CMC2: variants seen among roughly 807,000 people sequenced by gnomAD.
The protein encoded by CMC2 is COX assembly mitochondrial protein 2 homolog.
CMC2 carries 5 observed loss-of-function variants against 7.5 expected under a neutral mutation model. The observed-to-expected ratio is 0.66, with a 90% CI of 0.35 to 1.40. The LOEUF is 1.40. Among genes scored for constraint, CMC2 ranks in the 40% most tolerant of loss-of-function variants. CMC2 has a pLI of 0.04. For synonymous variants in CMC2, 37 were observed against 31.4 expected (o/e 1.18, Z -0.60); for missense variants, 115 against 92.3 (o/e 1.25, Z -1.01).
At chr16:80,990,099 TC>T (rs1253093796) in intron 2 of CMC2, among the ~76,000 whole-genome samples, 1 of 82,934 alleles carries the variant, frequency 1.2e-5, no homozygotes, top group African/African-American at 3.0e-5. Context: ...TTTTTTTCAT[TC>T]CCTCCCCTTT....
At chr16:80,994,284 C>T (rs1347208685) in intron 2 of CMC2, among the ~76,000 whole-genome samples, 1 of 151,288 alleles carries the variant, frequency 6.6e-6, no homozygotes, top group Non-Finnish European at 1.5e-5. Context: ...AAAGCTAATA[C>T]GATAGAACTA....
rs985930487 is a variant in CMC2 at position 80,969,455 on chromosome 16, G to C, written c.*6638C>G. The C allele has an allele frequency of 2.0e-5, 3 of 152,216 alleles. No homozygotes were observed. The highest frequency in any genetic ancestry group is 1.5e-5 in the Non-Finnish European group (1 of 68,064). 9.4% of individuals were successfully genotyped at this position (152,216 alleles called of 1,614,324 possible). A position where few individuals can be genotyped will look rare whatever the true frequency, so the allele number is the denominator to read the frequency against. Reference sequence around the variant, plus strand: ...CTTCAGTAAATGGGGCCCACAGGAAGGTCTGAAGGGGCTGGAACAATTTAG... The same window carrying C: ...CTTCAGTAAATGGGGCCCACAGGAACGTCTGAAGGGGCTGGAACAATTTAG... On this transcript the variant is annotated 3_prime_UTR_variant, in exon 4 of 4. Coordinates refer to ENST00000219400, the MANE Select transcript of CMC2 (RefSeq NM_020188.5).
intron 2 of CMC2, among the ~76,000 whole-genome samples, chr16:80,994,394 A>C (rs1048878173): frequency 1.9e-4 from 29 of 150,804 alleles, no homozygotes; most frequent in African/African-American, 6.6e-4. Context: ...ACTTCATCAA[A>C]TGTACAAGCT....
intron 2 of CMC2, among the ~76,000 whole-genome samples, chr16:80,986,459 G>GAA (rs11441364): frequency 9.3e-4 from 136 of 145,598 alleles, no homozygotes; most frequent in Middle Eastern, 3.5e-3. Context: ...CGTCTCAAAA[G>GAA]AAAAAAAAAA....
chr16:81,001,302 G>GT (rs1365274041), intron 1 of CMC2: 1 of 152,194 alleles, frequency 6.6e-6, no homozygotes, highest in Non-Finnish European at 1.5e-5. Flanking sequence ...ATGTACCCAT[G>GT]TAAGAAACCT....
intron 3 of CMC2, chr16:80,978,495 A>C (rs1966869458): frequency 1.6e-6 from 1 of 635,088 alleles, no homozygotes; most frequent in Non-Finnish European, 2.4e-6. Flanking sequence ...ATGAAAGGCC[A>C]ATTAACCCCA....
intron 1 of CMC2, among the ~76,000 whole-genome samples, chr16:81,005,425 A>AATATATAT (rs113325840): frequency 4.0e-5 from 6 of 149,360 alleles, no homozygotes; most frequent in African/African-American, 1.5e-4. Context: ...ATAAAATTTA[A>AATATATAT]ATATATATAT....
chr16:81,005,140 C>G (rs1190981498), intron 1 of CMC2, among the ~76,000 whole-genome samples: 1 of 152,180 alleles, frequency 6.6e-6, no homozygotes, highest in South Asian at 2.1e-4. Context: ...TAAAATATAT[C>G]TTTTTAGGCT....
rs1968512741 is a variant in CMC2, at chr16:80,997,383, G to C, written c.12C>G (p.Asp4Glu). 1 of 1,583,786 alleles carries C rather than the reference G, an allele frequency of 6.3e-7. No individual in the cohort carries two copies. Among genetic ancestry groups the C allele is most frequent in the Non-Finnish European group, 8.6e-7 (1 of 1,160,068 alleles). Residue 4 changes from aspartate (D) to glutamate (E), a missense_variant, in exon 2 of 4, where the codon GAC (aspartate) becomes GAG (glutamate). Physicochemically the swap from Asp to Glu is conservative, Grantham distance 45. Transcript: ENST00000219400. MHP[D>E]LSPHLHTEEC... ...CTTCAGTGTGCAAGTGTGGAGATAA[G>C]TCAGGATGCATCTTTAGGAGATGAG... is the stretch of plus-strand genomic sequence containing the variant.
rs1381930731 is a variant in CMC2 at position 80,971,833 on chromosome 16, T to C, written c.*4260A>G. ...TAGTTTTCTGTAAACCTGAAACATT[T>C]TGTCATAAAAAAGAATAGCATTAAT... is the stretch of plus-strand genomic sequence containing the variant. On this transcript the variant is annotated 3_prime_UTR_variant, in exon 4 of 4. Transcript: ENST00000219400. 1.3e-5 allele frequency: 2 copies of C among 152,212 alleles called. No homozygotes were observed. Among genetic ancestry groups the C allele is most frequent in the East Asian group, 3.9e-4 (2 of 5,186 alleles). 9.4% of individuals were successfully genotyped at this position (152,212 alleles called of 1,614,324 possible). A position where few individuals can be genotyped will look rare whatever the true frequency, so the allele number is the denominator to read the frequency against.
chr16:80,983,886 C>G (rs937458355), intron 2 of CMC2: 5 of 152,090 alleles, frequency 3.3e-5, no homozygotes, highest in African/African-American at 1.2e-4. Context: ...GAGGCTGAGG[C>G]AGGAGAACTG....
rs189108694 is a variant in CMC2, at chr16:80,978,857, G to A, written c.154-2678C>T. 1.2e-3 allele frequency among the ~76,000 whole-genome samples: 179 copies of A among 152,254 alleles called. 1 individual carries two copies. The highest frequency in any genetic ancestry group is 0.01 in the Middle Eastern group (3 of 294). On this transcript the variant is annotated intron_variant, in intron 3 of 3. Coordinates refer to ENST00000219400, the MANE Select transcript of CMC2 (RefSeq NM_020188.5). ...AGCACTTTAGGAGGCCAAGGCGGGCGGATAACAAGCTCAGAAGATCAAGAC... is the reference window on the plus strand; with the variant it reads ...AGCACTTTAGGAGGCCAAGGCGGGCAGATAACAAGCTCAGAAGATCAAGAC...
At chr16:80,976,885 T>C (rs897024872) in intron 3 of CMC2, among the ~76,000 whole-genome samples, 3 of 152,158 alleles carry the variant, frequency 2.0e-5, no homozygotes, top group Non-Finnish European at 4.4e-5. Context: ...ACAGCCTCCA[T>C]CTTTTAATAT....
At chr16:80,993,086 T>G (rs1308052273) in intron 2 of CMC2, among the ~76,000 whole-genome samples, 1 of 152,202 alleles carries the variant, frequency 6.6e-6, no homozygotes, top group Non-Finnish European at 1.5e-5. Flanking sequence ...CATTAGTTGA[T>G]TCATATGTAT....
At position 80,968,004 on chromosome 16, in the gene CMC2, T is replaced by G. The variant is rs1911672647; in HGVS notation, c.*8089A>C. 1 of 152,154 alleles carries G rather than the reference T, an allele frequency of 6.6e-6. No individual in the cohort carries two copies. Among genetic ancestry groups the G allele is most frequent in the Non-Finnish European group, 1.5e-5 (1 of 68,036 alleles). The allele number at this position is 152,154 out of a possible 1,614,324, so 9.4% of individuals were successfully genotyped here. On this transcript the variant is annotated 3_prime_UTR_variant, in exon 4 of 4. Transcript: ENST00000219400. ...AAATACAAAAGTTATTTGAGGAAAC[T>G]GCTTAAAAATTAAATGCAGAAAAAA... is the stretch of plus-strand genomic sequence containing the variant.
At chr16:80,980,591 T>C (rs1191491692) in intron 3 of CMC2, among the ~76,000 whole-genome samples, 2 of 141,234 alleles carry the variant, frequency 1.4e-5, no homozygotes, top group African/African-American at 5.3e-5. Context: ...TAGTAAATAA[T>C]TTAAAAACAC....
At position 80,971,584 on chromosome 16, in the gene CMC2, A is replaced by ATATATG; in HGVS notation, c.*4508_*4509insCATATA. ...ACATTTTATATATATATATATATAT[A>ATATATG]TGTATGAAATCATGCATATATATAT... On this transcript the variant is annotated 3_prime_UTR_variant, in exon 4 of 4. Transcript: ENST00000219400. 1 of 139,580 alleles carries ATATATG rather than the reference A, an allele frequency of 7.2e-6. No homozygotes were observed. The highest frequency in any genetic ancestry group is 1.5e-5 in the Non-Finnish European group (1 of 66,276). 8.6% of individuals were successfully genotyped at this position (139,580 alleles called of 1,614,324 possible). A position where few individuals can be genotyped will look rare whatever the true frequency, so the allele number is the denominator to read the frequency against.
At chr16:81,000,236 A>G (rs1295476377) in intron 1 of CMC2, among the ~76,000 whole-genome samples, 5 of 152,238 alleles carry the variant, frequency 3.3e-5, no homozygotes, top group Admixed American at 2.0e-4. Flanking sequence ...GGTAGCTCAC[A>G]CCTGTAATCC....
At chr16:81,005,827 A>G (rs1483621229) in intron 1 of CMC2, among the ~76,000 whole-genome samples, 1 of 152,240 alleles carries the variant, frequency 6.6e-6, no homozygotes, top group Non-Finnish European at 1.5e-5. Flanking sequence ...TTCAGAGGAA[A>G]ATACTCGTTC....
Sources: gnomAD v4.1 joint callset for allele counts (sites outside exome capture counted in the v4.1 genomes callset) on GRCh38, gnomAD v4.1.1 for gene constraint, MANE v1.5 for transcripts, NCBI Gene and HGNC (gene_info 2026-07-23, HGNC 2026-07-21) for gene names.